The following LSAMP variants were observed in gnomAD, a reference collection of about 807,000 sequenced individuals.
The protein encoded by LSAMP is limbic system associated membrane protein.
Under a neutral mutation model 38.6 loss-of-function variants are expected in LSAMP, and 7 were observed. The ratio of observed to expected loss-of-function variants is 0.18; its 90% CI spans 0.10 to 0.34. LSAMP has a LOEUF of 0.34. Among genes scored for constraint, LSAMP ranks in the 10% least tolerant of loss-of-function variants. The pLI is 1.00. For synonymous variants in LSAMP, 154 were observed against 166.8 expected, an observed-to-expected ratio of 0.92 and a Z score of 0.59; for missense variants, 313 against 420.0, an observed-to-expected ratio of 0.75 and a Z score of 2.23.
Position 116,195,151 on chromosome 3 carries a change from G to A in LSAMP, c.156-108595C>T, listed in dbSNP as rs1710853193. Among the ~76,000 whole-genome samples the A allele has an allele frequency of 2.0e-5, 3 of 152,164 alleles. No individual in the cohort carries two copies. In the South Asian group the frequency reaches 6.2e-4, roughly 32 times the overall value. On this transcript the variant is annotated intron_variant, in intron 1 of 6. Coordinates refer to ENST00000490035, the MANE Select transcript of LSAMP (RefSeq NM_002338.5). Reference sequence around the variant, plus strand: ...TTTGGAGATGGCTATATTTCCTCTAGAGATCAATCCCTTGACTCCAGTAAC... The same window carrying A: ...TTTGGAGATGGCTATATTTCCTCTAAAGATCAATCCCTTGACTCCAGTAAC...
At chr3:116,357,520 A>G (rs923806944) in intron 1 of LSAMP, among the ~76,000 whole-genome samples, 3 of 152,164 alleles carry the variant, frequency 2.0e-5, no homozygotes, top group African/African-American at 7.2e-5. Context: ...ATAATTTAAA[A>G]CCTCGCACAT....
At chr3:116,340,869 A>G (rs2047982647) in intron 1 of LSAMP, among the ~76,000 whole-genome samples, 1 of 152,056 alleles carries the variant, frequency 6.6e-6, no homozygotes, top group Non-Finnish European at 1.5e-5. Flanking sequence ...GTGATACTAC[A>G]TAACCACATC....
chr3:116,395,132 T>C (rs1222757447), intron 1 of LSAMP, among the ~76,000 whole-genome samples: 2 of 152,190 alleles, frequency 1.3e-5, no homozygotes, highest in Non-Finnish European at 2.9e-5. Context: ...GCTTCACATG[T>C]AGTGACCTGT....
At chr3:116,438,974 A>T (rs2049393158) in intron 1 of LSAMP, among the ~76,000 whole-genome samples, 1 of 152,164 alleles carries the variant, frequency 6.6e-6, no homozygotes, top group Admixed American at 6.6e-5. Context: ...TTTTACTGAT[A>T]TCTATTTAGT....
At chr3:115,874,300 G>A (rs1388917101) in intron 3 of LSAMP, among the ~76,000 whole-genome samples, 1 of 152,058 alleles carries the variant, frequency 6.6e-6, no homozygotes, top group African/African-American at 2.4e-5. Context: ...CCTTTAGGAA[G>A]TCTGTCTCAG....
intron 1 of LSAMP, among the ~76,000 whole-genome samples, chr3:116,295,420 C>G (rs1268125857): frequency 6.6e-6 from 1 of 152,136 alleles, no homozygotes. Context: ...AATTTGCTAG[C>G]TATAGGAATT....
At chr3:115,834,525 C>T in intron 6 of LSAMP, 1 of 1,270,196 alleles carries the variant, frequency 7.9e-7, no homozygotes, top group Non-Finnish European at 1.0e-6. Context: ...GGAGAATGAC[C>T]CAGGAAGAGA....
intron 3 of LSAMP, among the ~76,000 whole-genome samples, chr3:115,880,567 T>G (rs1298584279): frequency 2.0e-5 from 3 of 152,132 alleles, no homozygotes; most frequent in Non-Finnish European, 2.9e-5. Context: ...CGCTGAAAAT[T>G]CTGTTTGTTT....
rs578212082 is a variant in LSAMP, at chr3:116,274,248, C to T, written c.155+170629G>A. 1.2e-3 allele frequency among the ~76,000 whole-genome samples: 180 copies of T among 152,194 alleles called. 2 individuals are homozygous for T. Among genetic ancestry groups the T allele is most frequent in the African/African-American group, 4.2e-3 (175 of 41,528 alleles). The stretch of plus-strand genomic sequence containing the variant: ...AACATGATTACAAATAATTGTTATT[C>T]CATTGTGTAGTTTGTACTTTTGTTT... On this transcript the variant is annotated intron_variant, in intron 1 of 6. Coordinates refer to ENST00000490035, the MANE Select transcript of LSAMP (RefSeq NM_002338.5).
At chr3:116,412,459 C>T (rs943782043) in intron 1 of LSAMP, among the ~76,000 whole-genome samples, 3 of 151,900 alleles carry the variant, frequency 2.0e-5, no homozygotes, top group African/African-American at 2.4e-5. Flanking sequence ...GAACTCTCTT[C>T]CCCCTCTATA....
At chr3:115,989,884 T>C (rs1251617972) in intron 3 of LSAMP, among the ~76,000 whole-genome samples, 2 of 151,978 alleles carry the variant, frequency 1.3e-5, no homozygotes, top group African/African-American at 4.8e-5. Context: ...TTAGAGTAAC[T>C]CAGAATAAAC....
chr3:115,920,367 T>C (rs755538078), intron 3 of LSAMP, among the ~76,000 whole-genome samples: 59 of 152,270 alleles, frequency 3.9e-4, no homozygotes, highest in Non-Finnish European at 8.1e-4. Flanking sequence ...TTCTATTTTT[T>C]CCTCTCTCTC....
At chr3:115,827,428 G>A (rs1352059603) in intron 6 of LSAMP, among the ~76,000 whole-genome samples, 2 of 151,134 alleles carry the variant, frequency 1.3e-5, no homozygotes, top group African/African-American at 2.4e-5. Flanking sequence ...CTGAGATTCC[G>A]AGGTTTAGAA....
At chr3:116,191,753 G>C (rs1431904556) in intron 1 of LSAMP, among the ~76,000 whole-genome samples, 2 of 150,556 alleles carry the variant, frequency 1.3e-5, no homozygotes, top group Admixed American at 6.7e-5. Flanking sequence ...CTTATTTCAG[G>C]AACCTAATGG....
At chr3:116,001,486 TA>T (rs1292038034) in intron 3 of LSAMP, among the ~76,000 whole-genome samples, 4 of 152,236 alleles carry the variant, frequency 2.6e-5, no homozygotes, top group African/African-American at 9.6e-5. Context: ...TTGTTATTGC[TA>T]TGCAAACTCA....
chr3:115,897,367 T>A (rs1463461842), intron 3 of LSAMP, among the ~76,000 whole-genome samples: 1 of 152,008 alleles, frequency 6.6e-6, no homozygotes, highest in African/African-American at 2.4e-5. Flanking sequence ...ATGATTTTTT[T>A]TAAAAAAGCT....
chr3:116,090,876 C>T (rs1299899589), intron 1 of LSAMP, among the ~76,000 whole-genome samples: 1 of 152,178 alleles, frequency 6.6e-6, no homozygotes, highest in Non-Finnish European at 1.5e-5. Flanking sequence ...GGCGAGATCA[C>T]AGGACCACAG....
chr3:115,818,790 T>TTATATACATATATATATATATATATATA lies in LSAMP; in HGVS notation c.920-8377_920-8376insTATATATATATATATATATATGTATATA, dbSNP rs1467152356. Among the ~76,000 whole-genome samples the TTATATACATATATATATATATATATATA allele has an allele frequency of 2.7e-4, 19 of 69,780 alleles. 1 individual carries two copies. Among genetic ancestry groups the TTATATACATATATATATATATATATATA allele is most frequent in the African/African-American group, 7.9e-4 (18 of 22,898 alleles). 45.8% of individuals were successfully genotyped at this position (69,780 alleles called of 152,430 possible). A position where few individuals can be genotyped will look rare whatever the true frequency, so the allele number is the denominator to read the frequency against. On this transcript the variant is annotated intron_variant, in intron 6 of 6. Coordinates refer to ENST00000490035, the MANE Select transcript of LSAMP (RefSeq NM_002338.5). ...ATAAGAAAGAAGGAAAGTTGTACTTTTATATATATATATATATATATATAT... is the reference window on the plus strand; with the variant it reads ...ATAAGAAAGAAGGAAAGTTGTACTTTTATATACATATATATATATATATATATATATATATATATATATATATATATAT...
At chr3:115,920,018 G>T (rs1052152459) in intron 3 of LSAMP, among the ~76,000 whole-genome samples, 1 of 143,170 alleles carries the variant, frequency 7.0e-6, no homozygotes, top group Non-Finnish European at 1.5e-5. Context: ...TTGTAACTTA[G>T]AATTTCCTTC....
Sources: gnomAD v4.1 joint callset for allele counts (sites outside exome capture counted in the v4.1 genomes callset) on GRCh38, gnomAD v4.1.1 for gene constraint, MANE v1.5 for transcripts, NCBI Gene and HGNC (gene_info 2026-07-23, HGNC 2026-07-21) for gene names.